Variants in SLC47A2 observed in about 807,000 individuals in gnomAD.
SLC47A2 encodes the protein multidrug and toxin extrusion protein 2.
A neutral mutation model predicts 67.7 loss-of-function variants in SLC47A2; 52 were observed. That is an observed-to-expected ratio of 0.77 (90% CI 0.61 to 0.97). SLC47A2 has a LOEUF of 0.97. SLC47A2 is among the 50% of genes least tolerant of loss of function. SLC47A2 has a pLI of 0.00. For synonymous variants in SLC47A2, 278 were observed against 292.9 expected, an observed-to-expected ratio of 0.95 and a Z score of 0.52; for missense variants, 676 against 712.3, an observed-to-expected ratio of 0.95 and a Z score of 0.58.
In SLC47A2 at chr17:19,712,727, T is replaced by C; in HGVS notation, c.462A>G (p.Val154=). 6.2e-7 allele frequency: 1 copy of C among 1,613,302 alleles called. No individual in the cohort carries two copies. The change falls in exon 5 of 17, where the codon GTA becomes GTG. Residue 154 remains valine (V), a synonymous_variant. Transcript: ENST00000433844. The part of the protein sequence containing the change: ...PDVSRLTQDY[V]MIFIPGLPVI... ...CCGGAAGTCCTGGAATGAAAATCAT[T>C]ACATAGTCCTGGGTCAACCTGCAAG...
intron 15 of SLC47A2, among the ~76,000 whole-genome samples, chr17:19,680,716 T>C (rs2085293680): frequency 6.6e-6 from 1 of 152,098 alleles, no homozygotes; most frequent in Non-Finnish European, 1.5e-5. Context: ...AGGGTGATTT[T>C]ATGACCCCTT....
intron 11 of SLC47A2, among the ~76,000 whole-genome samples, 191 bp downstream of exon 11, chr17:19,703,879 G>T (rs963646431): frequency 6.6e-6 from 1 of 152,216 alleles, no homozygotes; most frequent in African/African-American, 2.4e-5. Flanking sequence ...GACGCCTGCT[G>T]CTCAGGGAGG....
At chr17:19,697,017 C>T (rs1163437866) in intron 13 of SLC47A2, among the ~76,000 whole-genome samples, 1 of 152,174 alleles carries the variant, frequency 6.6e-6, no homozygotes, top group African/African-American at 2.4e-5. Flanking sequence ...TAAGGCCAGG[C>T]GTGGTGGCTC....
chr17:19,705,381 C>T, intron 10 of SLC47A2, 55 bp downstream of exon 10: 1 of 1,548,028 alleles, frequency 6.5e-7, no homozygotes, highest in Non-Finnish European at 8.8e-7. Flanking sequence ...CCTCCTATGA[C>T]ACCTCCAGCC....
At chr17:19,702,958 CAGTG>C (rs2085825618) in intron 12 of SLC47A2, 130 bp downstream of exon 12, 7 of 1,027,046 alleles carry the variant, frequency 6.8e-6, no homozygotes, top group South Asian at 1.5e-5. Context: ...GGCTTCCTCT[CAGTG>C]AGAGCCAAGC....
At chr17:19,678,947 C>A in intron 16 of SLC47A2, 41 bp from the exon 17 acceptor site, 1 of 1,532,514 alleles carries the variant, frequency 6.5e-7, no homozygotes, top group South Asian at 1.2e-5. Context: ...GGTCAGGGGT[C>A]AGAGGGAGAG....
At chr17:19,708,833 C>A (rs1415306083) in intron 5 of SLC47A2, 73 bp from the exon 6 acceptor site, 5 of 1,556,172 alleles carry the variant, frequency 3.2e-6, no homozygotes, top group South Asian at 1.1e-5. Flanking sequence ...AACAGACATT[C>A]CTTTCCAGGA....
chr17:19,685,384 C>T lies in SLC47A2; in HGVS notation c.1165-3714G>A, dbSNP rs1288386340. The stretch of plus-strand genomic sequence containing the variant: ...GCGCGCCTCTGCCTGGCTGCCACCA[C>T]GTCTAGGAAGTGAGGAGCGTCTCTG... On this transcript the variant is annotated intron_variant, in intron 13 of 16. Coordinates refer to ENST00000433844, the MANE Select transcript of SLC47A2 (RefSeq NM_001099646.3). This position sits in a 1 kb window ranked among gnomAD's most constrained non-coding sequence, Gnocchi z 4.5. Among the ~76,000 whole-genome samples the T allele has an allele frequency of 6.6e-6, 1 of 152,052 alleles. No homozygotes were observed. The highest frequency in any genetic ancestry group is 2.4e-5 in the African/African-American group (1 of 41,404).
rs1044245966 is a variant in SLC47A2, at chr17:19,681,309, C to T, written c.1392+58G>A. 6 of 1,409,554 alleles carry T rather than the reference C, an allele frequency of 4.3e-6. No homozygotes were observed. Among genetic ancestry groups the T allele is most frequent in the Non-Finnish European group, 5.8e-6 (6 of 1,034,622 alleles). The allele number at this position is 1,409,554 out of a possible 1,614,324, so 87.3% of individuals were successfully genotyped here. ...GGGCATTTCTGGCTGAGTAGTCACT[C>T]CACCTGCTGGGGTCAGGTGCAGGGT... On this transcript the variant is annotated intron_variant, in intron 15 of 16. Transcript: ENST00000433844.
chr17:19,707,683 C>G (rs1319645091), intron 8 of SLC47A2, 63 bp downstream of exon 8: 16 of 1,457,174 alleles, frequency 1.1e-5, no homozygotes, highest in Non-Finnish European at 1.5e-5. Context: ...CCACCCTGCC[C>G]CAAGGCTAGG....
intron 13 of SLC47A2, among the ~76,000 whole-genome samples, chr17:19,691,180 C>T (rs544827759): frequency 6.6e-6 from 1 of 151,834 alleles, no homozygotes; most frequent in East Asian, 1.9e-4. Flanking sequence ...TTAGTACAGC[C>T]ACTGTGGAGA....
At chr17:19,694,851 G>A (rs1028233093) in intron 13 of SLC47A2, among the ~76,000 whole-genome samples, 1 of 151,282 alleles carries the variant, frequency 6.6e-6, no homozygotes, top group Non-Finnish European at 1.5e-5. Context: ...GGGAGGCAGA[G>A]GTTGCAGTGA....
At chr17:19,701,174 A>C (rs2085777764) in intron 13 of SLC47A2, among the ~76,000 whole-genome samples, 2 of 151,764 alleles carry the variant, frequency 1.3e-5, no homozygotes, top group South Asian at 2.1e-4. Context: ...TCTCAAAAAA[A>C]AAAAAAAAAA....
chr17:19,716,622 C>A, upstream of SLC47A2: 2 of 1,489,808 alleles, frequency 1.3e-6, no homozygotes, highest in Non-Finnish European at 8.9e-7. Flanking sequence ...TCCAGCGAGC[C>A]ACCCCCTGCC....
At chr17:19,714,367 C>G (rs1444302328) in intron 3 of SLC47A2, 2 of 420,384 alleles carry the variant, frequency 4.8e-6, no homozygotes, top group African/African-American at 4.0e-5. Flanking sequence ...CAGGGAGGTT[C>G]CTTCTGTGTC....
chr17:19,699,190 T>C (rs2085732078), intron 13 of SLC47A2, among the ~76,000 whole-genome samples: 1 of 151,986 alleles, frequency 6.6e-6, no homozygotes, highest in Admixed American at 6.6e-5. Flanking sequence ...GGAGAAAGCC[T>C]AGTTTTTTTT....
Position 19,685,534 on chromosome 17 carries a change from C to T in SLC47A2, c.1165-3864G>A, listed in dbSNP as rs924111032. Among the ~76,000 whole-genome samples the T allele has an allele frequency of 5.3e-5, 8 of 152,154 alleles. No homozygotes were observed. Among genetic ancestry groups the T allele is most frequent in the African/African-American group, 1.2e-4 (5 of 41,434 alleles). On this transcript the variant is annotated intron_variant, in intron 13 of 16. Coordinates refer to ENST00000433844, the MANE Select transcript of SLC47A2 (RefSeq NM_001099646.3). The surrounding 1 kb of genome is among the most constrained non-coding windows in gnomAD (Gnocchi z 4.5). ...GAGGAGCGCCTCTGCCTGGCCGCCC[C>T]GTCTGGGAGGGTTAAATGGATTAAG...
chr17:19,712,557 T>A, intron 5 of SLC47A2, 146 bp downstream of exon 5: 1 of 753,596 alleles, frequency 1.3e-6, no homozygotes, highest in Admixed American at 2.4e-5. Flanking sequence ...TTGCACCAAC[T>A]GCAACGGGAA....
intron 15 of SLC47A2, 67 bp downstream of exon 15, chr17:19,681,300 G>T: frequency 7.5e-7 from 1 of 1,333,808 alleles, no homozygotes; most frequent in Non-Finnish European, 1.0e-6. Context: ...TTCTGGCTGA[G>T]TAGTCACTCC....
Sources: allele counts gnomAD v4.1 joint callset (sites outside exome capture counted in the v4.1 genomes callset), GRCh38; gene constraint gnomAD v4.1.1; non-coding constraint Gnocchi (gnomAD v3.1); transcripts MANE v1.5; gene names NCBI Gene and HGNC (gene_info 2026-07-23, HGNC 2026-07-21).